The following SGCZ variants were observed in gnomAD, a reference collection of about 807,000 sequenced individuals.
SGCZ encodes the protein sarcoglycan zeta.
A neutral mutation model predicts 41.3 loss-of-function variants in SGCZ; 40 were observed. That is an observed-to-expected ratio of 0.97 (90% confidence interval 0.75 to 1.26). SGCZ has a LOEUF of 1.26. SGCZ is among the 50% of genes most tolerant of loss of function. The pLI is 0.00. For missense variants in SGCZ, 552 were observed against 369.8 expected (o/e 1.49, Z -4.04); for synonymous variants, 206 against 137.5 (o/e 1.50, Z -3.49).
intron 1 of SGCZ, among the ~76,000 whole-genome samples, chr8:14,836,024 C>T (rs1802689279): frequency 6.6e-6 from 1 of 152,104 alleles, no homozygotes; most frequent in South Asian, 2.1e-4. Context: ...ACCATTACTG[C>T]CTTCCTTGGT....
intron 1 of SGCZ, among the ~76,000 whole-genome samples, chr8:14,764,483 G>A (rs1193272654): frequency 1.3e-5 from 2 of 152,142 alleles, no homozygotes; most frequent in East Asian, 3.9e-4. Context: ...GCAAAGCTAA[G>A]TGTAAACCAT....
At chr8:14,424,578 A>G (rs547900109) in intron 2 of SGCZ, among the ~76,000 whole-genome samples, 2 of 152,226 alleles carry the variant, frequency 1.3e-5, no homozygotes, top group South Asian at 4.1e-4. Flanking sequence ...TGGAACTACT[A>G]TATCATCTAT....
intron 3 of SGCZ, among the ~76,000 whole-genome samples, chr8:14,250,865 T>A (rs539356939): frequency 6.6e-6 from 1 of 152,160 alleles, no homozygotes; most frequent in Non-Finnish European, 1.5e-5. Context: ...CATCCTTTAA[T>A]CATGTTGACT....
At chr8:14,427,002 A>T (rs1413621701) in intron 2 of SGCZ, among the ~76,000 whole-genome samples, 1 of 151,788 alleles carries the variant, frequency 6.6e-6, no homozygotes, top group African/African-American at 2.4e-5. Context: ...GTCCTGGCTC[A>T]GTAGCCTGTT....
chr8:14,486,702 A>C (rs1171737085), intron 2 of SGCZ, among the ~76,000 whole-genome samples: 1 of 152,152 alleles, frequency 6.6e-6, no homozygotes, highest in Non-Finnish European at 1.5e-5. Flanking sequence ...CCTTCCAAGT[A>C]GCTGAGACCA....
intron 1 of SGCZ, among the ~76,000 whole-genome samples, chr8:14,592,341 T>A (rs1258074560): frequency 3.9e-5 from 6 of 152,142 alleles, no homozygotes; most frequent in Non-Finnish European, 8.8e-5. Context: ...AATATAAATT[T>A]CAGAGCTAAA....
chr8:14,669,582 C>T (rs192858601), intron 1 of SGCZ, among the ~76,000 whole-genome samples: 236 of 151,938 alleles, frequency 1.6e-3, no homozygotes, highest in Middle Eastern at 3.4e-3. Flanking sequence ...TATTTGTCTT[C>T]TTGTATCTGA....
At chr8:14,566,427 C>T (rs1050970454) in intron 1 of SGCZ, among the ~76,000 whole-genome samples, 1 of 152,124 alleles carries the variant, frequency 6.6e-6, no homozygotes, top group East Asian at 1.9e-4. Flanking sequence ...CGATTCCCTA[C>T]TGAGGCCAGA....
intron 2 of SGCZ, among the ~76,000 whole-genome samples, chr8:14,397,112 A>G (rs562580188): frequency 1.3e-5 from 2 of 152,178 alleles, no homozygotes; most frequent in Non-Finnish European, 2.9e-5. Flanking sequence ...ACTTACCACT[A>G]TTCTTTGTGC....
chr8:14,166,832 C>A (rs1376160903), intron 4 of SGCZ, among the ~76,000 whole-genome samples: 2 of 151,968 alleles, frequency 1.3e-5, no homozygotes, highest in Admixed American at 6.6e-5. Context: ...TGAGGTGAAA[C>A]CTTAATTCAT....
intron 1 of SGCZ, among the ~76,000 whole-genome samples, chr8:14,992,898 C>G (rs754959123): frequency 2.0e-5 from 3 of 148,678 alleles, no homozygotes; most frequent in Non-Finnish European, 3.0e-5. Flanking sequence ...TCCTCCTCAT[C>G]CAATCTACTC....
chr8:14,790,150 G>A (rs1800901059), intron 1 of SGCZ, among the ~76,000 whole-genome samples: 1 of 152,134 alleles, frequency 6.6e-6, no homozygotes, highest in Admixed American at 6.6e-5. Flanking sequence ...AATAGGAAAT[G>A]TGAAAGACGA....
At chr8:14,708,991 T>C (rs1255842115) in intron 1 of SGCZ, among the ~76,000 whole-genome samples, 2 of 152,240 alleles carry the variant, frequency 1.3e-5, no homozygotes, top group East Asian at 3.9e-4. Context: ...TTGACCCAAT[T>C]TATAAGTCCT....
chr8:15,117,325 C>G (rs896836993), intron 1 of SGCZ, among the ~76,000 whole-genome samples: 20 of 151,840 alleles, frequency 1.3e-4, no homozygotes, highest in African/African-American at 3.6e-4. Flanking sequence ...CACCACTGCA[C>G]TCCAGCCTGG....
intron 3 of SGCZ, among the ~76,000 whole-genome samples, chr8:14,322,743 A>G (rs1801968516): frequency 6.6e-6 from 1 of 152,076 alleles, no homozygotes; most frequent in Non-Finnish European, 1.5e-5. Flanking sequence ...CTTGCTTCCT[A>G]TGTTTAGCAG....
chr8:14,530,455 A>G (rs1803091962), intron 2 of SGCZ, among the ~76,000 whole-genome samples: 1 of 152,072 alleles, frequency 6.6e-6, no homozygotes, highest in Non-Finnish European at 1.5e-5. Flanking sequence ...TTGATCAAGT[A>G]TTTTCTGAGT....
chr8:14,635,778 C>A (rs1806806791), intron 1 of SGCZ, among the ~76,000 whole-genome samples: 1 of 151,916 alleles, frequency 6.6e-6, no homozygotes, highest in East Asian at 1.9e-4. Context: ...GGTCTTAGAA[C>A]ATATCCCTGG....
chr8:14,208,797 G>A (rs527435902), intron 4 of SGCZ, among the ~76,000 whole-genome samples: 6 of 152,238 alleles, frequency 3.9e-5, no homozygotes, highest in Non-Finnish European at 7.4e-5. Flanking sequence ...CATGTATTAT[G>A]TATAAAGATG....
intron 3 of SGCZ, among the ~76,000 whole-genome samples, chr8:14,262,914 A>G (rs1799724056): frequency 6.6e-6 from 1 of 152,018 alleles, no homozygotes; most frequent in Admixed American, 6.6e-5. Flanking sequence ...CTACATCACA[A>G]CTAAGAAAAC....
Sources: allele counts gnomAD v4.1 joint callset (sites outside exome capture counted in the v4.1 genomes callset), GRCh38; gene constraint gnomAD v4.1.1; transcripts MANE v1.5; gene names NCBI Gene and HGNC (gene_info 2026-07-23, HGNC 2026-07-21).